ABAT: variants seen among roughly 807,000 people sequenced by gnomAD.
ABAT encodes 4-aminobutyrate aminotransferase.
A neutral mutation model predicts 64.6 loss-of-function variants in ABAT; 45 were observed. The observed-to-expected ratio is 0.70, with a 90% confidence interval of 0.55 to 0.89. The LOEUF (loss-of-function observed/expected upper bound fraction) is 0.89. Ranked by LOEUF, ABAT falls within the 40% of genes least tolerant of loss-of-function variation. The pLI is 0.00. For synonymous variants in ABAT, 297 were observed against 250.5 expected (o/e 1.19, Z -1.75); for missense variants, 633 against 658.4 (o/e 0.96, Z 0.42).
At chr16:8,696,617 C>T (rs1020065393) in intron 1 of ABAT, among the ~76,000 whole-genome samples, 1 of 151,886 alleles carries the variant, frequency 6.6e-6, no homozygotes, top group African/African-American at 2.4e-5. Flanking sequence ...GAGACTCTGT[C>T]TCAAAAAAAA....
Position 8,781,723 on chromosome 16 carries a change from C to T in ABAT, c.*293C>T. ...ATGGGAGGTCCTGGCTAGAGTTCTGCCCAACCTTGACCAACCCCAGCAATT... is the reference window on the plus strand; with the variant it reads ...ATGGGAGGTCCTGGCTAGAGTTCTGTCCAACCTTGACCAACCCCAGCAATT... On this transcript the variant is annotated 3_prime_UTR_variant, in exon 16 of 16. Coordinates refer to ENST00000268251, the MANE Select transcript of ABAT (RefSeq NM_020686.6). The surrounding 1 kb of genome is among the most constrained non-coding windows in gnomAD (Gnocchi z 4.5). 2.0e-6 allele frequency: 1 copy of T among 492,676 alleles called. No individual in the cohort carries two copies. The highest frequency in any genetic ancestry group is 3.7e-6 in the Non-Finnish European group (1 of 270,240). 30.5% of individuals were successfully genotyped at this position (492,676 alleles called of 1,614,324 possible).
chr16:8,754,705 TC>T (rs1567305342), intron 5 of ABAT, among the ~76,000 whole-genome samples: 18 of 102,206 alleles, frequency 1.8e-4, no homozygotes, highest in African/African-American at 5.9e-4. Context: ...TTTCTTTCTT[TC>T]TTTCTTTCTT....
intron 1 of ABAT, among the ~76,000 whole-genome samples, chr16:8,710,970 G>A (rs1038048917): frequency 2.0e-5 from 3 of 152,164 alleles, no homozygotes; most frequent in African/African-American, 4.8e-5. Context: ...AAGCGCCATC[G>A]CATTCTTTTT....
intron 1 of ABAT, among the ~76,000 whole-genome samples, chr16:8,689,303 G>T (rs118045383): frequency 6.6e-6 from 1 of 152,300 alleles, no homozygotes; most frequent in East Asian, 1.9e-4. Flanking sequence ...ATATATGCAT[G>T]TATGTGTTTC....
intron 4 of ABAT, among the ~76,000 whole-genome samples, chr16:8,748,639 T>C (rs1398329141): frequency 6.6e-6 from 1 of 150,960 alleles, no homozygotes; most frequent in Non-Finnish European, 1.5e-5. Flanking sequence ...GATGTTGACA[T>C]CTCCAACTAT....
chr16:8,727,577 C>A (rs2058595945), intron 1 of ABAT, among the ~76,000 whole-genome samples: 1 of 152,196 alleles, frequency 6.6e-6, no homozygotes, highest in Non-Finnish European at 1.5e-5. Flanking sequence ...CTATCTTATG[C>A]AGAATTTGTT....
In ABAT at chr16:8,772,709, CCA is replaced by C. The variant is rs2060148570; in HGVS notation, c.817-70_817-69del. On this transcript the variant is annotated intron_variant, in intron 11 of 15. Transcript: ENST00000268251. Reference sequence around the variant, plus strand: ...AAAATTGCATGGGGCTCATCGAACCCCAGATTCCCACCCACGGATACTGGTCA... The same window carrying C: ...AAAATTGCATGGGGCTCATCGAACCCGATTCCCACCCACGGATACTGGTCA... 3 of 1,608,086 alleles carry C rather than the reference CCA, an allele frequency of 1.9e-6. No homozygotes were observed. The East Asian group carries it at 6.7e-5, about 36-fold the overall frequency.
Position 8,781,565 on chromosome 16 carries a change from AT to A in ABAT, c.*140del. On this transcript the variant is annotated 3_prime_UTR_variant, in exon 16 of 16. Coordinates refer to ENST00000268251, the MANE Select transcript of ABAT (RefSeq NM_020686.6). The surrounding 1 kb of genome is among the most constrained non-coding windows in gnomAD (Gnocchi z 4.5). ...GAAGGGTGATTTGTGGGGAGGGAGC[AT>A]TTTTGGTGGTCTTGGGGGAGGGGAG... The A allele has an allele frequency of 1.6e-6, 1 of 614,058 alleles. No homozygotes were observed. The highest frequency in any genetic ancestry group is 2.6e-6 in the Non-Finnish European group (1 of 380,462). The allele number at this position is 614,058 out of a possible 1,614,324, so 38.0% of individuals were successfully genotyped here.
In ABAT at chr16:8,754,196, A is replaced by AAAAAT. The variant is rs1567305007; in HGVS notation, c.317-3557_317-3556insTAAAA. On this transcript the variant is annotated intron_variant, in intron 5 of 15. Transcript: ENST00000268251. ...CCTGTCTATAAAAAAAAAAAAAAAA[A>AAAAAT]AAAAAAAAATTAGCCGGGCATGGTG... 1.8e-3 allele frequency among the ~76,000 whole-genome samples: 274 copies of AAAAAT among 148,780 alleles called. 9 individuals carry two copies. The highest frequency in any genetic ancestry group is 6.5e-3 in the African/African-American group (266 of 40,838).
In ABAT at chr16:8,739,408, T is replaced by C. The variant is rs188070045; in HGVS notation, c.70+3599T>C. Among the ~76,000 whole-genome samples, 8 of 152,330 alleles carry C rather than the reference T, an allele frequency of 5.3e-5. No individual in the cohort carries two copies. In the East Asian group the frequency reaches 1.5e-3, roughly 29 times the overall value. On this transcript the variant is annotated intron_variant, in intron 2 of 15. Coordinates refer to ENST00000268251, the MANE Select transcript of ABAT (RefSeq NM_020686.6). The stretch of plus-strand genomic sequence containing the variant: ...TCATATCCTTCCTATTTCACAAATT[T>C]CTTGCATTAGAAGAAATGGTTCATA...
Position 8,768,177 on chromosome 16 carries a change from T to C in ABAT, c.604-16T>C. 4 of 1,613,178 alleles carry C rather than the reference T, an allele frequency of 2.5e-6. No homozygotes were observed. The highest frequency in any genetic ancestry group is 3.4e-6 in the Non-Finnish European group (4 of 1,179,210). On this transcript the variant is annotated splice_polypyrimidine_tract_variant and intron_variant, in intron 9 of 15. Transcript: ENST00000268251. The stretch of plus-strand genomic sequence containing the variant: ...CCTTACAACTATGACTAATGACTGA[T>C]ATTTCTTGGTTTTAGGCCCCTGGCT...
chr16:8,712,361 CAGG>C (rs890672491), intron 1 of ABAT, among the ~76,000 whole-genome samples: 1 of 152,114 alleles, frequency 6.6e-6, no homozygotes, highest in Non-Finnish European at 1.5e-5. Context: ...GCATCAAAAA[CAGG>C]ATGTGATAAA....
intron 1 of ABAT, among the ~76,000 whole-genome samples, chr16:8,717,315 G>A (rs1349866390): frequency 1.3e-5 from 2 of 152,068 alleles, no homozygotes; most frequent in Non-Finnish European, 2.9e-5. Flanking sequence ...TAACTATATT[G>A]ATTATGTATC....
intron 5 of ABAT, among the ~76,000 whole-genome samples, chr16:8,751,598 G>C (rs115849962): frequency 0.027 from 4,102 of 152,278 alleles, 172 homozygotes; most frequent in African/African-American, 0.092. Flanking sequence ...GGCTTTTTAT[G>C]ACCCTTCACC....
intron 3 of ABAT, among the ~76,000 whole-genome samples, chr16:8,746,601 G>A (rs1235565636): frequency 6.6e-6 from 1 of 151,130 alleles, no homozygotes; most frequent in Non-Finnish European, 1.5e-5. Flanking sequence ...GGCTGGTCTT[G>A]AAGTCCTGAC....
At chr16:8,740,657 G>T (rs1371623479) in intron 2 of ABAT, among the ~76,000 whole-genome samples, 2 of 152,286 alleles carry the variant, frequency 1.3e-5, no homozygotes, top group South Asian at 4.1e-4. Context: ...TTAAAGTGAC[G>T]ATAGTTAACG....
At chr16:8,714,501 G>C (rs975798394) in intron 1 of ABAT, 2 of 152,282 alleles carry the variant, frequency 1.3e-5, no homozygotes, top group African/African-American at 2.4e-5. Context: ...CTGATTAGAA[G>C]TTCATTTTGA....
chr16:8,745,009 A>T (rs1737055166), intron 2 of ABAT, among the ~76,000 whole-genome samples: 2 of 151,988 alleles, frequency 1.3e-5, no homozygotes, highest in Admixed American at 1.3e-4. Context: ...GTTTGTTGAG[A>T]CAGCGTCTCA....
At position 8,783,414 on chromosome 16, in the gene ABAT, C is replaced by G. The variant is rs2060483174; in HGVS notation, c.*1984C>G. ...GGAAATCGGATGGAGAACCACCATT[C>G]ACCCAAGGGTCAGAGGAGGTTTCAA... is the stretch of plus-strand genomic sequence containing the variant. On this transcript the variant is annotated 3_prime_UTR_variant, in exon 16 of 16. Transcript: ENST00000268251. The G allele has an allele frequency of 6.6e-6, 1 of 152,128 alleles. No individual in the cohort carries two copies. The highest frequency in any genetic ancestry group is 2.4e-5 in the African/African-American group (1 of 41,410). The allele number at this position is 152,128 out of a possible 1,614,324, so 9.4% of individuals were successfully genotyped here.
Sources: allele counts gnomAD v4.1 joint callset (sites outside exome capture counted in the v4.1 genomes callset), GRCh38; gene constraint gnomAD v4.1.1; non-coding constraint Gnocchi (gnomAD v3.1); transcripts MANE v1.5; gene names NCBI Gene and HGNC (gene_info 2026-07-23, HGNC 2026-07-21).